GABPB1: variants seen among roughly 807,000 people sequenced by gnomAD.
The protein encoded by GABPB1 is GA-binding protein subunit beta-1.
Under a neutral mutation model 45.9 loss-of-function variants are expected in GABPB1, and 15 were observed. That is an observed-to-expected ratio of 0.33 (90% CI 0.22 to 0.50). GABPB1 has a LOEUF of 0.50. Ranked by LOEUF, GABPB1 falls within the 20% of genes least tolerant of loss-of-function variation. The pLI, the probability that GABPB1 is intolerant of heterozygous loss-of-function variation, is 0.98. For synonymous variants in GABPB1, 143 were observed against 154.4 expected (o/e 0.93, Z 0.55); for missense variants, 252 against 457.5 (o/e 0.55, Z 4.10).
intron 1 of GABPB1, among the ~76,000 whole-genome samples, chr15:50,339,558 C>T (rs1286220819): frequency 6.6e-6 from 1 of 151,822 alleles, no homozygotes; most frequent in Non-Finnish European, 1.5e-5. Flanking sequence ...TACTTTCCAC[C>T]TAAGCTATAT....
chr15:50,347,781 C>A (rs1274700517), intron 1 of GABPB1, among the ~76,000 whole-genome samples: 1 of 152,062 alleles, frequency 6.6e-6, no homozygotes, highest in Non-Finnish European at 1.5e-5. Flanking sequence ...ATAGGCTGGG[C>A]GCAGTGGCTT....
chr15:50,300,914 A>G lies in GABPB1; in HGVS notation c.584-12T>C, dbSNP rs1005484940. ...TACACCCGTTTCATCTGTAAGAAAA[A>G]AGAAAATAGATTTGAATTTCTAAGG... On this transcript the variant is annotated splice_polypyrimidine_tract_variant and intron_variant, in intron 5 of 8. Coordinates refer to ENST00000380877, the MANE Select transcript of GABPB1 (RefSeq NM_016654.5). 1 of 1,462,184 alleles carries G rather than the reference A, an allele frequency of 6.8e-7. No individual in the cohort carries two copies. Among genetic ancestry groups the G allele is most frequent in the African/African-American group, 1.4e-5 (1 of 71,824 alleles). 90.6% of individuals were successfully genotyped at this position (1,462,184 alleles called of 1,614,324 possible).
chr15:50,313,093 A>G (rs2047187831), intron 1 of GABPB1, among the ~76,000 whole-genome samples: 1 of 152,198 alleles, frequency 6.6e-6, no homozygotes, highest in African/African-American at 2.4e-5. Flanking sequence ...GCAAAGAAAT[A>G]TATTTACCAC....
intron 1 of GABPB1, among the ~76,000 whole-genome samples, chr15:50,327,528 A>G (rs1198434665): frequency 6.6e-6 from 1 of 152,232 alleles, no homozygotes; most frequent in Non-Finnish European, 1.5e-5. Context: ...GGTAGGGAAG[A>G]CATACGTCTC....
chr15:50,283,350 T>G (rs1421555892), intron 8 of GABPB1, among the ~76,000 whole-genome samples: 1 of 149,938 alleles, frequency 6.7e-6, no homozygotes, highest in Non-Finnish European at 1.5e-5. Flanking sequence ...TACCTTTCCC[T>G]CCAAAAAAAA....
intron 1 of GABPB1, among the ~76,000 whole-genome samples, chr15:50,345,410 T>C (rs2048528284): frequency 6.6e-6 from 1 of 151,800 alleles, no homozygotes; most frequent in African/African-American, 2.4e-5. Flanking sequence ...ACCAGGAAAA[T>C]ACAAAAATTA....
chr15:50,340,378 C>A (rs1011592541), intron 1 of GABPB1, among the ~76,000 whole-genome samples: 4 of 152,074 alleles, frequency 2.6e-5, no homozygotes, highest in African/African-American at 9.7e-5. Flanking sequence ...ATAGGCAATA[C>A]TTTCATATAG....
intron 8 of GABPB1, among the ~76,000 whole-genome samples, chr15:50,284,417 A>G (rs1009202254): frequency 6.6e-6 from 1 of 152,216 alleles, no homozygotes; most frequent in Non-Finnish European, 1.5e-5. Context: ...CAAAGCAAGC[A>G]AACAAAAATC....
At chr15:50,298,468 A>G (rs149962190) in intron 6 of GABPB1, among the ~76,000 whole-genome samples, 5 of 152,332 alleles carry the variant, frequency 3.3e-5, no homozygotes, top group African/African-American at 1.2e-4. Context: ...TTTCTTTGCT[A>G]TGCTTCTGCA....
At chr15:50,308,646 AC>A (rs2047025311) in intron 2 of GABPB1, among the ~76,000 whole-genome samples, 1 of 152,152 alleles carries the variant, frequency 6.6e-6, no homozygotes, top group African/African-American at 2.4e-5. Flanking sequence ...AGGTGGAAAA[AC>A]CACCAGACAA....
In GABPB1 at chr15:50,337,129, A is replaced by ATATATATATATATAT. The variant is rs1173961008; in HGVS notation, c.-1+17855_-1+17856insATATATATATATATA. 1.9e-3 allele frequency among the ~76,000 whole-genome samples: 20 copies of ATATATATATATATAT among 10,542 alleles called. 1 individual carries two copies. The highest frequency in any genetic ancestry group is 0.012 in the East Asian group (3 of 248). The allele number at this position is 10,542 out of a possible 152,430, so 6.9% of individuals were successfully genotyped here. A position where few individuals can be genotyped will look rare whatever the true frequency, so the allele number is the denominator to read the frequency against. ...TATATATATATATATATATATATAT[A>ATATATATATATATAT]ATATGAAGAGGTCAGAGCCCATCCA... On this transcript the variant is annotated intron_variant, in intron 1 of 8. Coordinates refer to ENST00000380877, the MANE Select transcript of GABPB1 (RefSeq NM_016654.5).
chr15:50,322,013 G>A (rs1203284277), intron 1 of GABPB1, among the ~76,000 whole-genome samples: 2 of 151,704 alleles, frequency 1.3e-5, no homozygotes, highest in African/African-American at 4.8e-5. Flanking sequence ...AGGTCAATTC[G>A]GTTTTCTAGT....
intron 7 of GABPB1, among the ~76,000 whole-genome samples, chr15:50,286,956 T>C (rs934092018): frequency 1.3e-5 from 2 of 152,152 alleles, no homozygotes; most frequent in Admixed American, 6.5e-5. Context: ...TAAAATTTTT[T>C]GCCAAAACAT....
chr15:50,316,644 C>A (rs2047340031), intron 1 of GABPB1, among the ~76,000 whole-genome samples: 1 of 151,994 alleles, frequency 6.6e-6, no homozygotes, highest in Admixed American at 6.6e-5. Flanking sequence ...ACTCTTTGAC[C>A]TAGTAATTCT....
chr15:50,332,385 A>G (rs1320002769), intron 1 of GABPB1, among the ~76,000 whole-genome samples: 1 of 152,344 alleles, frequency 6.6e-6, no homozygotes, highest in African/African-American at 2.4e-5. Context: ...TTTAAAAGAC[A>G]TAAGCAACAC....
chr15:50,327,989 G>A (rs1397561460), intron 1 of GABPB1, among the ~76,000 whole-genome samples: 1 of 150,216 alleles, frequency 6.7e-6, no homozygotes, highest in Non-Finnish European at 1.5e-5. Flanking sequence ...CATAAACAAG[G>A]AAAGAAATAT....
Position 50,300,853 on chromosome 15 carries a change from T to G in GABPB1, c.633A>C (p.Val211=), listed in dbSNP as rs1269213704. Reference sequence around the variant, plus strand: ...CAGCTAAGGCAGCTAATGTAGCTAATACTGATGTAGAAGAGTTTCCAAACT... The same window carrying G: ...CAGCTAAGGCAGCTAATGTAGCTAAGACTGATGTAGAAGAGTTTCCAAACT... ...AVQFGNSSTS[V]LATLAALAEA... is the part of the protein sequence containing the mutation. The change falls in exon 6 of 9, where the codon GTA becomes GTC. Residue 211 remains valine, a synonymous_variant. Coordinates refer to ENST00000380877, the MANE Select transcript of GABPB1 (RefSeq NM_016654.5). The G allele has an allele frequency of 2.8e-5, 45 of 1,613,232 alleles. No individual in the cohort carries two copies. The highest frequency in any genetic ancestry group is 3.7e-5 in the Non-Finnish European group (44 of 1,179,272).
chr15:50,288,382 T>C, intron 7 of GABPB1, among the ~76,000 whole-genome samples: 1 of 152,308 alleles, frequency 6.6e-6, no homozygotes, highest in South Asian at 2.1e-4. Flanking sequence ...AAAGATTATG[T>C]GTGGACACTT....
chr15:50,278,855 C>G (rs1356056623), intron 8 of GABPB1, 71 bp from the exon 9 acceptor site: 2 of 1,193,936 alleles, frequency 1.7e-6, no homozygotes, highest in East Asian at 2.6e-5. Flanking sequence ...AAGCATGCAT[C>G]CTTCAAATTA....
Sources: allele counts gnomAD v4.1 joint callset (sites outside exome capture counted in the v4.1 genomes callset), GRCh38; gene constraint gnomAD v4.1.1; transcripts MANE v1.5; gene names NCBI Gene and HGNC (gene_info 2026-07-23, HGNC 2026-07-21).